Variants in SLC44A1 observed in about 807,000 individuals in gnomAD.
SLC44A1 encodes the protein solute carrier family 44 member 1.
In SLC44A1, 26 loss-of-function variants were observed where a neutral mutation model predicts 79.3. That is an observed-to-expected ratio of 0.33 (90% CI 0.24 to 0.46). SLC44A1 has a LOEUF of 0.46. SLC44A1 is among the 20% of genes least tolerant of loss of function. SLC44A1 has a pLI of 1.00. For missense variants in SLC44A1, 688 were observed against 798.1 expected, an observed-to-expected ratio of 0.86 and a Z score of 1.66; for synonymous variants, 263 against 286.2, an observed-to-expected ratio of 0.92 and a Z score of 0.82.
At chr9:105,380,810 T>C (rs984200337) in intron 13 of SLC44A1, among the ~76,000 whole-genome samples, 1 of 152,170 alleles carries the variant, frequency 6.6e-6, no homozygotes, top group Non-Finnish European at 1.5e-5. Flanking sequence ...CCTGGGATAC[T>C]TTTTAAATGC....
intron 1 of SLC44A1, among the ~76,000 whole-genome samples, chr9:105,267,724 C>A (rs142950678): frequency 6.6e-6 from 1 of 151,968 alleles, no homozygotes; most frequent in Admixed American, 6.6e-5. Flanking sequence ...TCCTGTTTGT[C>A]ATGGTAAAAG....
At chr9:105,301,467 T>A (rs1830877623) in intron 2 of SLC44A1, among the ~76,000 whole-genome samples, 1 of 152,244 alleles carries the variant, frequency 6.6e-6, no homozygotes, top group Non-Finnish European at 1.5e-5. Flanking sequence ...TTTTGCCATG[T>A]GGAAATAAGA....
At chr9:105,341,063 C>T (rs1827071832) in intron 4 of SLC44A1, among the ~76,000 whole-genome samples, 1 of 152,064 alleles carries the variant, frequency 6.6e-6, no homozygotes, top group Non-Finnish European at 1.5e-5. Context: ...TGGCCAGGCG[C>T]ATGGCTCACA....
At chr9:105,291,330 A>G (rs1830597208) in intron 1 of SLC44A1, among the ~76,000 whole-genome samples, 1 of 152,256 alleles carries the variant, frequency 6.6e-6, no homozygotes, top group Non-Finnish European at 1.5e-5. Flanking sequence ...TAAAACTGGC[A>G]GGAGCAAAAT....
rs145882369 is a variant in SLC44A1 at position 105,362,945 on chromosome 9, T to C, written c.1025T>C (p.Phe342Ser). 1.1e-4 allele frequency: 185 copies of C among 1,613,854 alleles called. No individual in the cohort carries two copies. The highest frequency in any genetic ancestry group is 7.8e-5 in the Non-Finnish European group (92 of 1,179,964). ...CTAGTCTTCCAACCCTTCTGGACTT[T>C]CTTTGCTCTTGTCTTGTTTTGGGTG... The part of the protein sequence containing the change: ...PLLVFQPFWT[F>S]FALVLFWVYW... Residue 342 changes from phenylalanine to serine, a missense_variant, in exon 9 of 16, where the codon TTC (phenylalanine) becomes TCC (serine). Transcript: ENST00000374720.
At chr9:105,309,602 A>C (rs1330167103) in intron 2 of SLC44A1, 122 bp from the exon 3 acceptor site, 1 of 793,166 alleles carries the variant, frequency 1.3e-6, no homozygotes, top group Non-Finnish European at 2.0e-6. Flanking sequence ...TAGTGTTTGC[A>C]GTAAGAAAAG....
At chr9:105,438,332 GGTT>G in exon 16 of SLC44A1, 1 of 1,542,082 alleles carries the variant, frequency 6.5e-7, no homozygotes, top group Non-Finnish European at 8.8e-7. Flanking sequence ...ACTCAGAGGA[GGTT>G]GTTTACATGA....
chr9:105,275,760 C>G (rs1830184250), intron 1 of SLC44A1, among the ~76,000 whole-genome samples: 1 of 151,596 alleles, frequency 6.6e-6, no homozygotes, highest in Non-Finnish European at 1.5e-5. Flanking sequence ...CCTGTAGTTT[C>G]AGTTTTGGTG....
intron 1 of SLC44A1, among the ~76,000 whole-genome samples, chr9:105,285,044 A>G (rs1830442715): frequency 5.3e-5 from 8 of 152,142 alleles, no homozygotes; most frequent in Admixed American, 5.2e-4. Flanking sequence ...TTCACTTAGA[A>G]TGTTTTCAAG....
At position 105,362,905 on chromosome 9, in the gene SLC44A1, A is replaced by T. The variant is rs763889810; in HGVS notation, c.985A>T (p.Ile329Phe). The change falls in exon 9 of 16, where the codon ATT becomes TTT. Residue 329 changes from isoleucine (I) to phenylalanine (F), a missense_variant. Transcript: ENST00000374720. ...GTTCCACGTAGCTGGCAAGGTCTTC[A>T]TTCACTTGCCACTGCTAGTCTTCCA... ...ALFHVAGKVF[I>F]HLPLLVFQPF... 1 of 1,613,810 alleles carries T rather than the reference A, an allele frequency of 6.2e-7. No individual in the cohort carries two copies. Among genetic ancestry groups the T allele is most frequent in the African/African-American group, 1.3e-5 (1 of 74,890 alleles).
chr9:105,255,737 T>C (rs1212213074), intron 1 of SLC44A1, among the ~76,000 whole-genome samples: 1 of 152,212 alleles, frequency 6.6e-6, no homozygotes, highest in African/African-American at 2.4e-5. Context: ...GTGGGCTCTA[T>C]AGCCAGACTA....
At chr9:105,408,691 G>T (rs577065834) in intron 15 of SLC44A1, among the ~76,000 whole-genome samples, 1 of 152,162 alleles carries the variant, frequency 6.6e-6, no homozygotes, top group African/African-American at 2.4e-5. Context: ...GATTACAGGC[G>T]TGAGCCACCG....
intron 1 of SLC44A1, among the ~76,000 whole-genome samples, chr9:105,249,782 G>T (rs139652599): frequency 9.3e-5 from 14 of 150,346 alleles, no homozygotes; most frequent in Admixed American, 9.3e-4. Flanking sequence ...TGATCCACCC[G>T]CCTCAGCCTC....
At chr9:105,421,480 G>A (rs1829248013) in intron 15 of SLC44A1, among the ~76,000 whole-genome samples, 1 of 151,752 alleles carries the variant, frequency 6.6e-6, no homozygotes, top group Non-Finnish European at 1.5e-5. Flanking sequence ...CATTAAAAGA[G>A]TTCTGGATTA....
At chr9:105,387,256 T>A (rs1453943681) in intron 15 of SLC44A1, among the ~76,000 whole-genome samples, 1 of 151,656 alleles carries the variant, frequency 6.6e-6, no homozygotes, top group Non-Finnish European at 1.5e-5. Context: ...TTGGTGTTAC[T>A]CTTACTTAAT....
downstream of SLC44A1, among the ~76,000 whole-genome samples, chr9:105,398,541 G>T (rs375633834): frequency 1.7e-4 from 26 of 152,260 alleles, no homozygotes; most frequent in African/African-American, 6.0e-4. Flanking sequence ...CATCTGAAAG[G>T]TACCTGAAAG....
chr9:105,379,751 T>C (rs1208887827), intron 13 of SLC44A1, among the ~76,000 whole-genome samples: 1 of 152,206 alleles, frequency 6.6e-6, no homozygotes, highest in Non-Finnish European at 1.5e-5. Context: ...TAGAGGTTTA[T>C]AATCCAGTTT....
intron 15 of SLC44A1, among the ~76,000 whole-genome samples, chr9:105,427,362 A>G (rs923871403): frequency 6.6e-6 from 1 of 152,224 alleles, no homozygotes; most frequent in African/African-American, 2.4e-5. Flanking sequence ...CTATAATTGA[A>G]TTCAGCAATT....
chr9:105,320,717 C>T (rs1367522691), intron 3 of SLC44A1, among the ~76,000 whole-genome samples: 1 of 152,108 alleles, frequency 6.6e-6, no homozygotes, highest in African/African-American at 2.4e-5. Context: ...ATAGCTGGGA[C>T]TATAGGTACA....
Sources: allele counts gnomAD v4.1 joint callset (sites outside exome capture counted in the v4.1 genomes callset), GRCh38; gene constraint gnomAD v4.1.1; transcripts MANE v1.5; gene names NCBI Gene and HGNC (gene_info 2026-07-23, HGNC 2026-07-21).